DPP10: variants seen among roughly 807,000 people sequenced by gnomAD.
The protein encoded by DPP10 is dipeptidyl peptidase like 10, also known as inactive dipeptidyl peptidase 10.
DPP10 carries 33 observed loss-of-function variants against 120.9 expected under a neutral mutation model. That is an observed-to-expected ratio of 0.27 (90% confidence interval 0.21 to 0.37). The LOEUF (loss-of-function observed/expected upper bound fraction) is 0.37. Among genes scored for constraint, DPP10 ranks in the 10% least tolerant of loss-of-function variants. DPP10 has a pLI of 1.00. For synonymous variants in DPP10, 337 were observed against 326.1 expected (o/e 1.03, Z -0.36); for missense variants, 816 against 942.8 (o/e 0.87, Z 1.76).
chr2:115,077,262 A>T (rs1276439835), intron 1 of DPP10, among the ~76,000 whole-genome samples: 2 of 152,160 alleles, frequency 1.3e-5, no homozygotes, highest in Non-Finnish European at 2.9e-5. Context: ...TTCATTCATT[A>T]TATGTTAGTT....
intron 2 of DPP10, among the ~76,000 whole-genome samples, chr2:115,335,019 T>C (rs2063037362): frequency 6.6e-6 from 1 of 151,948 alleles, no homozygotes; most frequent in African/African-American, 2.4e-5. Context: ...TTTATTGGAC[T>C]TACAGTTCTG....
chr2:115,744,340 C>T (rs145795971), intron 9 of DPP10, among the ~76,000 whole-genome samples: 55 of 149,924 alleles, frequency 3.7e-4, no homozygotes, highest in African/African-American at 9.4e-4. Flanking sequence ...AGATTAAGGC[C>T]GTTATTTTGA....
chr2:115,484,053 G>A (rs2075613144), intron 3 of DPP10, among the ~76,000 whole-genome samples: 1 of 151,258 alleles, frequency 6.6e-6, no homozygotes, highest in South Asian at 2.1e-4. Flanking sequence ...CAGGACCCCA[G>A]ACAAACAGCA....
chr2:115,562,505 G>C (rs1454870135), intron 5 of DPP10, among the ~76,000 whole-genome samples: 1 of 152,018 alleles, frequency 6.6e-6, no homozygotes, highest in Non-Finnish European at 1.5e-5. Flanking sequence ...CTGATCCATG[G>C]TTAAAACAAC....
At chr2:114,519,011 A>C (rs1319520685) in intron 1 of DPP10, among the ~76,000 whole-genome samples, 3 of 152,238 alleles carry the variant, frequency 2.0e-5, no homozygotes, top group South Asian at 4.1e-4. Flanking sequence ...GTTTGAAGAA[A>C]AGGTTTGCCT....
At chr2:115,712,418 TAACA>T (rs2092348302) in intron 7 of DPP10, among the ~76,000 whole-genome samples, 2 of 150,980 alleles carry the variant, frequency 1.3e-5, no homozygotes, top group African/African-American at 2.4e-5. Flanking sequence ...GCCCAGTTCT[TAACA>T]GGCCACAGAC....
chr2:115,137,396 C>G (rs2050700934), intron 1 of DPP10, among the ~76,000 whole-genome samples: 1 of 152,108 alleles, frequency 6.6e-6, no homozygotes, highest in African/African-American at 2.4e-5. Flanking sequence ...AAGGGTTGCC[C>G]CTTGACAAAC....
intron 1 of DPP10, among the ~76,000 whole-genome samples, chr2:114,614,096 G>A (rs555517832): frequency 1.3e-5 from 2 of 152,060 alleles, no homozygotes; most frequent in South Asian, 2.1e-4. Flanking sequence ...GTAAAAAACC[G>A]GCACATTCTG....
chr2:115,817,541 G>T (rs2150047339), intron 21 of DPP10, among the ~76,000 whole-genome samples: 1 of 152,282 alleles, frequency 6.6e-6, no homozygotes, highest in South Asian at 2.1e-4. Context: ...AGTGTATCAT[G>T]CCTTTGCAGC....
At chr2:114,665,701 C>T (rs1188368073) in intron 1 of DPP10, among the ~76,000 whole-genome samples, 1 of 151,966 alleles carries the variant, frequency 6.6e-6, no homozygotes, top group African/African-American at 2.4e-5. Flanking sequence ...GAAATATAAG[C>T]CCTACAATTC....
At chr2:115,199,918 G>A (rs1367980883) in intron 1 of DPP10, among the ~76,000 whole-genome samples, 9 of 152,064 alleles carry the variant, frequency 5.9e-5, no homozygotes, top group Non-Finnish European at 1.3e-4. Context: ...AACACCCACA[G>A]TGTTTTAAAA....
intron 1 of DPP10, among the ~76,000 whole-genome samples, chr2:114,619,884 T>G (rs1252796378): frequency 6.6e-6 from 1 of 151,972 alleles, no homozygotes; most frequent in Non-Finnish European, 1.5e-5. Flanking sequence ...TCACTCCTGT[T>G]ACTACTAATA....
chr2:114,653,007 AGAAAG>A (rs1216284307), intron 1 of DPP10, among the ~76,000 whole-genome samples: 24 of 145,484 alleles, frequency 1.6e-4, no homozygotes, highest in East Asian at 4.0e-4. Flanking sequence ...AGAGAGAGAG[AGAAAG>A]AGAGAGAGAG....
intron 2 of DPP10, among the ~76,000 whole-genome samples, chr2:115,330,134 C>T (rs1253783405): frequency 1.3e-5 from 2 of 151,964 alleles, no homozygotes; most frequent in Non-Finnish European, 2.9e-5. Context: ...GCCATTCTAA[C>T]TGGTGTGAGA....
At chr2:114,451,641 T>C (rs558530669) in intron 1 of DPP10, among the ~76,000 whole-genome samples, 1 of 151,968 alleles carries the variant, frequency 6.6e-6, no homozygotes, top group African/African-American at 2.4e-5. Flanking sequence ...AGAGGGCAAA[T>C]GATTAGGAGG....
intron 1 of DPP10, among the ~76,000 whole-genome samples, chr2:115,283,203 A>G (rs536119209): frequency 2.6e-5 from 4 of 152,182 alleles, no homozygotes; most frequent in East Asian, 1.9e-4. Flanking sequence ...GCTGATGCAT[A>G]TCACTCAATT....
At chr2:114,845,705 A>T (rs1688497396) in intron 1 of DPP10, among the ~76,000 whole-genome samples, 1 of 152,168 alleles carries the variant, frequency 6.6e-6, no homozygotes, top group South Asian at 2.1e-4. Context: ...AAGTGTGAAG[A>T]AATATCCGTG....
intron 1 of DPP10, among the ~76,000 whole-genome samples, chr2:114,617,142 C>T (rs892113055): frequency 1.3e-5 from 2 of 152,002 alleles, no homozygotes; most frequent in Non-Finnish European, 2.9e-5. Context: ...GTGGAAAAAA[C>T]CATATTACAA....
intron 1 of DPP10, among the ~76,000 whole-genome samples, chr2:114,937,051 G>A (rs923564591): frequency 1.3e-5 from 2 of 152,046 alleles, no homozygotes; most frequent in African/African-American, 4.8e-5. Context: ...GGTTGTCTGT[G>A]AACTCTACTG....
Sources: gnomAD v4.1 joint callset for allele counts (sites outside exome capture counted in the v4.1 genomes callset) on GRCh38, gnomAD v4.1.1 for gene constraint, MANE v1.5 for transcripts, NCBI Gene and HGNC (gene_info 2026-07-23, HGNC 2026-07-21) for gene names.